The following VTA1 variants were observed in gnomAD, a reference collection of about 807,000 sequenced individuals.
VTA1 encodes vesicle trafficking 1.
VTA1 carries 24 observed loss-of-function variants against 36.9 expected under a neutral mutation model. The observed-to-expected ratio is 0.65, with a 90% CI of 0.47 to 0.91. The LOEUF is 0.91. Ranked by LOEUF, VTA1 falls within the 40% of genes least tolerant of loss-of-function variation. VTA1 has a pLI of 0.00. For synonymous variants in VTA1, 142 were observed against 130.2 expected (o/e 1.09, Z -0.62); for missense variants, 393 against 377.2 (o/e 1.04, Z -0.35).
chr6:142,150,084 C>G (rs768076452), intron 1 of VTA1, among the ~76,000 whole-genome samples: 1 of 151,904 alleles, frequency 6.6e-6, no homozygotes, highest in Non-Finnish European at 1.5e-5. Context: ...TTAGTGTTCT[C>G]TTTTGGTTTT....
chr6:142,195,881 C>A (rs1775535505), intron 5 of VTA1, among the ~76,000 whole-genome samples: 1 of 152,048 alleles, frequency 6.6e-6, no homozygotes, highest in East Asian at 1.9e-4. Context: ...CCATTTTAGT[C>A]AGAGAACATA....
At chr6:142,188,132 C>T (rs999306602) in intron 4 of VTA1, among the ~76,000 whole-genome samples, 10 of 150,826 alleles carry the variant, frequency 6.6e-5, no homozygotes, top group Non-Finnish European at 7.4e-5. Flanking sequence ...TGGTCTCCAA[C>T]TCCTGAGCTC....
chr6:142,198,704 G>A, intron 6 of VTA1, 89 bp downstream of exon 6: 1 of 1,254,588 alleles, frequency 8.0e-7, no homozygotes, highest in South Asian at 2.0e-5. Flanking sequence ...CATAATGATG[G>A]TCATGAAAAC....
intron 1 of VTA1, 78 bp downstream of exon 1, chr6:142,147,477 G>T: frequency 7.1e-7 from 1 of 1,401,102 alleles, no homozygotes. Flanking sequence ...AGGTTCTTGG[G>T]GCATGCCCCG....
intron 7 of VTA1, among the ~76,000 whole-genome samples, chr6:142,212,627 G>A (rs1049578563): frequency 5.3e-5 from 8 of 152,106 alleles, no homozygotes; most frequent in Non-Finnish European, 1.2e-4. Flanking sequence ...CCTGAGACTG[G>A]GTAATGTATG....
Position 142,169,419 on chromosome 6 carries a change from T to A in VTA1, c.208-131T>A, listed in dbSNP as rs529131419. ...GGCATAGCAGCTCTTTTTGCAAGAT[T>A]TCATTGATGACATCTTTTATTGAAA... On this transcript the variant is annotated intron_variant, in intron 2 of 7. Coordinates refer to ENST00000367630, the MANE Select transcript of VTA1 (RefSeq NM_016485.5). 3 of 1,071,738 alleles carry A rather than the reference T, an allele frequency of 2.8e-6. No homozygotes were observed. The African/African-American group carries it at 5.0e-5, about 18-fold the overall frequency. The allele number at this position is 1,071,738 out of a possible 1,614,324, so 66.4% of individuals were successfully genotyped here.
intron 6 of VTA1, among the ~76,000 whole-genome samples, chr6:142,201,069 C>T (rs1437345656): frequency 6.6e-6 from 1 of 151,840 alleles, no homozygotes; most frequent in African/African-American, 2.4e-5. Flanking sequence ...CTTCTATGTT[C>T]CTTCCTCTAA....
chr6:142,174,474 C>G (rs1366369204), intron 4 of VTA1, among the ~76,000 whole-genome samples: 1 of 152,144 alleles, frequency 6.6e-6, no homozygotes, highest in Non-Finnish European at 1.5e-5. Context: ...TTTAATCTTA[C>G]AGGCTCACAG....
rs1776108645 is a variant in VTA1, at chr6:142,221,534, G to A, written c.*2891G>A. On this transcript the variant is annotated 3_prime_UTR_variant, in exon 8 of 8. Coordinates refer to ENST00000367630, the MANE Select transcript of VTA1 (RefSeq NM_016485.5). ...ACTTGACTGGGAGCTATATGGAAAG[G>A]TTTTCAGAAGAAACGTAGCCTGATG... 6.6e-6 allele frequency: 1 copy of A among 152,012 alleles called. No homozygotes were observed. The highest frequency in any genetic ancestry group is 1.5e-5 in the Non-Finnish European group (1 of 67,998). The allele number at this position is 152,012 out of a possible 1,614,324, so 9.4% of individuals were successfully genotyped here.
At chr6:142,160,006 A>G (rs1774766586) in intron 1 of VTA1, among the ~76,000 whole-genome samples, 1 of 151,832 alleles carries the variant, frequency 6.6e-6, no homozygotes. Context: ...TATGGATCAC[A>G]TTTTCCTATC....
chr6:142,157,198 A>G (rs554140847), intron 1 of VTA1, among the ~76,000 whole-genome samples: 7 of 152,290 alleles, frequency 4.6e-5, no homozygotes, highest in African/African-American at 1.2e-4. Flanking sequence ...GCCTCTTACT[A>G]TTTTTTGTTG....
At position 142,206,651 on chromosome 6, in the gene VTA1, G is replaced by T. The variant is rs144872200; in HGVS notation, c.778+2586G>T. 4.0e-3 allele frequency among the ~76,000 whole-genome samples: 604 copies of T among 152,198 alleles called. 3 individuals are homozygous for T. Among genetic ancestry groups the T allele is most frequent in the African/African-American group, 0.014 (572 of 41,536 alleles). ...CAGAATAATCAACGTAGTACTGAAG[G>T]AGAAGAACAAAGTTGGAGGACTGGC... is the stretch of plus-strand genomic sequence containing the variant. On this transcript the variant is annotated intron_variant, in intron 7 of 7. Coordinates refer to ENST00000367630, the MANE Select transcript of VTA1 (RefSeq NM_016485.5).
chr6:142,192,446 TTAA>T (rs1775472857), intron 5 of VTA1, among the ~76,000 whole-genome samples: 1 of 152,086 alleles, frequency 6.6e-6, no homozygotes, highest in Non-Finnish European at 1.5e-5. Flanking sequence ...GTATGTAGAA[TTAA>T]TGATATAAAA....
intron 5 of VTA1, among the ~76,000 whole-genome samples, chr6:142,190,956 T>C (rs1775444294): frequency 6.6e-6 from 1 of 152,186 alleles, no homozygotes; most frequent in African/African-American, 2.4e-5. Context: ...TTAGATCTAT[T>C]ATTATAATGA....
chr6:142,184,931 T>G (rs1775311280), intron 4 of VTA1, among the ~76,000 whole-genome samples: 1 of 152,200 alleles, frequency 6.6e-6, no homozygotes, highest in Admixed American at 6.5e-5. Context: ...TAATCTTGTC[T>G]TGGATTTATC....
chr6:142,166,737 T>G (rs1410956854), intron 2 of VTA1, among the ~76,000 whole-genome samples: 2 of 152,020 alleles, frequency 1.3e-5, no homozygotes, highest in Non-Finnish European at 2.9e-5. Flanking sequence ...TTCTCTTACA[T>G]CAGCCTCCCA....
intron 1 of VTA1, among the ~76,000 whole-genome samples, chr6:142,148,244 G>A (rs2114623401): frequency 6.6e-6 from 1 of 152,266 alleles, no homozygotes; most frequent in African/African-American, 2.4e-5. Flanking sequence ...ATATTGTAAG[G>A]TTAGCTAAAA....
At chr6:142,209,701 G>A (rs1775863247) in intron 7 of VTA1, among the ~76,000 whole-genome samples, 2 of 151,464 alleles carry the variant, frequency 1.3e-5, no homozygotes, top group South Asian at 2.1e-4. Flanking sequence ...ATTCCATTGT[G>A]TATATATTAA....
chr6:142,168,951 A>G (rs1001571730), intron 2 of VTA1, among the ~76,000 whole-genome samples: 3 of 151,596 alleles, frequency 2.0e-5, no homozygotes, highest in African/African-American at 7.3e-5. Flanking sequence ...TTGTATTTTT[A>G]GTAGAGACGG....
Sources: allele counts gnomAD v4.1 joint callset (sites outside exome capture counted in the v4.1 genomes callset), GRCh38; gene constraint gnomAD v4.1.1; transcripts MANE v1.5; gene names NCBI Gene and HGNC (gene_info 2026-07-23, HGNC 2026-07-21).